The following GLS2 variants were observed in gnomAD, a reference collection of about 807,000 sequenced individuals.
GLS2 encodes the protein glutaminase 2.
In GLS2, 52 loss-of-function variants were observed where a neutral mutation model predicts 79.0. The ratio of observed to expected loss-of-function variants is 0.66; its 90% confidence interval spans 0.53 to 0.83. GLS2 has a LOEUF of 0.83. Ranked by LOEUF, GLS2 falls within the 40% of genes least tolerant of loss-of-function variation. GLS2 has a pLI of 0.00. For missense variants in GLS2, 561 were observed against 764.8 expected (o/e 0.73, Z 3.14); for synonymous variants, 238 against 280.8 (o/e 0.85, Z 1.52).
At position 56,477,930 on chromosome 12, in the gene GLS2, C is replaced by T. The variant is rs1430483484; in HGVS notation, c.778+3G>A. 6.2e-7 allele frequency: 1 copy of T among 1,611,422 alleles called. No homozygotes were observed. The highest frequency in any genetic ancestry group is 1.3e-5 in the African/African-American group (1 of 74,928). ...GTACGGTCTGAGCCTTGGTAGTGCTCACCTTCCTCATTGAGGGAGAGCTTG... is the reference window on the plus strand; with the variant it reads ...GTACGGTCTGAGCCTTGGTAGTGCTTACCTTCCTCATTGAGGGAGAGCTTG... On this transcript the variant is annotated splice_donor_region_variant and intron_variant, in intron 6 of 17. Transcript: ENST00000311966.
At position 56,473,451 on chromosome 12, in the gene GLS2, A is replaced by C; in HGVS notation, c.1356+12T>G. On this transcript the variant is annotated intron_variant, in intron 13 of 17. Transcript: ENST00000311966. ...TTCAAAAATAGTAAGTACTATATGC[A>C]AAGCATCTCACCTGGCAGAAGCTGG... 1 of 1,609,318 alleles carries C rather than the reference A, an allele frequency of 6.2e-7. No homozygotes were observed. Among genetic ancestry groups the C allele is most frequent in the Non-Finnish European group, 8.5e-7 (1 of 1,177,128 alleles).
intron 12 of GLS2, chr12:56,473,806 T>TA (rs1869530147): frequency 5.2e-6 from 3 of 575,346 alleles, no homozygotes; most frequent in East Asian, 3.1e-5. Context: ...TTGAAATACT[T>TA]ACAGCATTCT....
At position 56,474,612 on chromosome 12, in the gene GLS2, C is replaced by T; in HGVS notation, c.1156G>A (p.Val386Met). 1 of 1,614,236 alleles carries T rather than the reference C, an allele frequency of 6.2e-7. No homozygotes were observed. The highest frequency in any genetic ancestry group is 1.3e-5 in the African/African-American group (1 of 75,072). Reference protein sequence around the residue: ...TGESVLSAEAVRNTLSLMHSC... With the variant: ...TGESVLSAEAMRNTLSLMHSC... ...TGCATGAGGCTGAGGGTGTTGCGCACTGCTTCAGCACTCAGCACACTCTCG... is the reference window on the plus strand; with the variant it reads ...TGCATGAGGCTGAGGGTGTTGCGCATTGCTTCAGCACTCAGCACACTCTCG... Residue 386 changes from valine to methionine, a missense_variant, in exon 12 of 18, where the codon GTG becomes ATG. Physicochemically the swap from Val to Met is conservative, Grantham distance 21. Around this residue, in one of 4 missense-constraint regions of GLS2, gnomAD observed 221 missense variants for 275.6 expected, o/e 0.80. Coordinates refer to ENST00000311966, the MANE Select transcript of GLS2 (RefSeq NM_013267.4).
chr12:56,475,623 C>CGTGGCATTGCTGAAACCCAT lies in GLS2; in HGVS notation c.910_929dup (p.Phe311TrpfsTer37). 1 of 1,614,060 alleles carries CGTGGCATTGCTGAAACCCAT rather than the reference C, an allele frequency of 6.2e-7. No homozygotes were observed. The highest frequency in any genetic ancestry group is 8.5e-7 in the Non-Finnish European group (1 of 1,179,958). Reference sequence around the variant, plus strand: ...AGTCAGTCCTCTGAGTAGGGACTTACGTGGCATTGCTGAAACCCATGTATT... The same window carrying CGTGGCATTGCTGAAACCCAT: ...AGTCAGTCCTCTGAGTAGGGACTTACGTGGCATTGCTGAAACCCATGTGGCATTGCTGAAACCCATGTATT... On this transcript the variant is annotated frameshift_variant and splice_region_variant. Coordinates refer to ENST00000311966, the MANE Select transcript of GLS2 (RefSeq NM_013267.4). LOFTEE classifies it high-confidence loss of function.
At position 56,478,337 on chromosome 12, in the gene GLS2, A is replaced by C. The variant is rs1870006906; in HGVS notation, c.535-75T>G. ...CAGAGTTGAGGTTGAGGGTCAAGAG[A>C]ATCTTTTAGATAAAAGCTAAAATTC... On this transcript the variant is annotated intron_variant, in intron 4 of 17. Transcript: ENST00000311966. 3 of 1,481,106 alleles carry C rather than the reference A, an allele frequency of 2.0e-6. No individual in the cohort carries two copies. The African/African-American group carries it at 4.2e-5, about 21-fold the overall frequency. The allele number at this position is 1,481,106 out of a possible 1,614,324, so 91.7% of individuals were successfully genotyped here.
At chr12:56,473,902 G>T (rs937114) in intron 12 of GLS2, 231,198 of 247,716 alleles carry the variant, frequency 0.93, 108,625 homozygotes, top group East Asian at 1. Context: ...GACACGTAAT[G>T]TTTAAAGTAA....
intron 1 of GLS2, 123 bp downstream of exon 1, chr12:56,487,814 A>C (rs1402901065): frequency 4.3e-6 from 5 of 1,158,288 alleles, no homozygotes; most frequent in Non-Finnish European, 4.7e-6. Flanking sequence ...AAAGGCACCG[A>C]GGGCTAGTGA....
rs1186834253 is a variant in GLS2, at chr12:56,474,370, C to T, written c.1224+174G>A. ...TCCCAAAGACATCTCTTTATATATT[C>T]GAGGAACTTGGTGTTTTTGAGAAAC... On this transcript the variant is annotated intron_variant, in intron 12 of 17. Coordinates refer to ENST00000311966, the MANE Select transcript of GLS2 (RefSeq NM_013267.4). The T allele has an allele frequency of 8.1e-6, 6 of 743,974 alleles. No individual in the cohort carries two copies. The East Asian group carries it at 1.1e-4, about 13-fold the overall frequency. 46.1% of individuals were successfully genotyped at this position (743,974 alleles called of 1,614,324 possible). A position where few individuals can be genotyped will look rare whatever the true frequency, so the allele number is the denominator to read the frequency against.
rs117078178 is a variant in GLS2 at position 56,474,804 on chromosome 12, C to T, written c.1047+42G>A. 2.5e-6 allele frequency: 4 copies of T among 1,613,318 alleles called. No individual in the cohort carries two copies. The East Asian group carries it at 6.7e-5, about 27-fold the overall frequency. On this transcript the variant is annotated intron_variant, in intron 11 of 17. Coordinates refer to ENST00000311966, the MANE Select transcript of GLS2 (RefSeq NM_013267.4). ...TGTAGGGAAAGGGCAAGGGCAAGGA[C>T]AGTCTGTCCTGTTCCCTCGGCCCTG...
At chr12:56,479,215 G>A (rs560100533) in intron 3 of GLS2, 34 bp from the exon 4 acceptor site, 2 of 1,608,192 alleles carry the variant, frequency 1.2e-6, no homozygotes, top group East Asian at 4.5e-5. Flanking sequence ...TAGGGGGCTA[G>A]AGAAATGCAG....
intron 7 of GLS2, 37 bp from the exon 8 acceptor site, chr12:56,476,014 T>G: frequency 6.2e-7 from 1 of 1,604,548 alleles, no homozygotes; most frequent in Non-Finnish European, 8.5e-7. Context: ...ATTCTAAGTG[T>G]AGGAGGATGA....
chr12:56,479,795 C>T lies in GLS2; in HGVS notation c.389G>A (p.Arg130Gln), dbSNP rs780275885. Residue 130 changes from arginine to glutamine, a missense_variant, in exon 3 of 18, where the codon CGA (arginine) becomes CAA (glutamine). Transcript: ENST00000311966. ...GGGCCCTCACTTTCGGAAGAGATCT[C>T]GGTCCAAGAGGCCACCACTACTGGA... ...QESSSGGLLD[R>Q]DLFRKCVSSN... The T allele has an allele frequency of 3.8e-5, 61 of 1,601,956 alleles. No individual in the cohort carries two copies. In the Middle Eastern group the frequency reaches 6.8e-4, roughly 18 times the overall value.
At chr12:56,480,503 A>C in intron 1 of GLS2, 116 bp from the exon 2 acceptor site, 1 of 752,346 alleles carries the variant, frequency 1.3e-6, no homozygotes, top group Non-Finnish European at 2.4e-6. Context: ...CCTCCTCCTT[A>C]AGCCATCTGA....
chr12:56,478,123 G>C (rs1869984321), intron 5 of GLS2, 27 bp from the exon 6 acceptor site: 3 of 1,613,964 alleles, frequency 1.9e-6, no homozygotes. Context: ...GCCATGAAAG[G>C]GGTTGGCCTG....
At chr12:56,473,047 G>T in intron 14 of GLS2, 181 bp downstream of exon 14, 2 of 628,248 alleles carry the variant, frequency 3.2e-6, no homozygotes, top group South Asian at 2.0e-5. Context: ...GTGCCACCAC[G>T]TCTGGCTAAT....
intron 11 of GLS2, 25 bp downstream of exon 11, chr12:56,474,821 T>C (rs1334775106): frequency 6.2e-7 from 1 of 1,613,718 alleles, no homozygotes; most frequent in East Asian, 2.2e-5. Context: ...TCCTGTTCCC[T>C]CGGCCCTGAG....
Position 56,478,060 on chromosome 12 carries a change from C to T in GLS2, c.651G>A (p.Leu217=), listed in dbSNP as rs1869978091. The T allele has an allele frequency of 2.5e-6, 4 of 1,614,032 alleles. No individual in the cohort carries two copies. In the African/African-American group the frequency reaches 5.3e-5, roughly 22 times the overall value. The part of the protein sequence containing the change: ...SVGHTKIPFC[L]QSCVKPLTYA... ...AGGTGAGGGGCTTCACACAGGACTGCAGGCAGAAGGGGATCTTTGTGTGGC... is the reference window on the plus strand; with the variant it reads ...AGGTGAGGGGCTTCACACAGGACTGTAGGCAGAAGGGGATCTTTGTGTGGC... The change falls in exon 6 of 18, where the codon CTG becomes CTA. Residue 217 remains leucine (L), a synonymous_variant. Coordinates refer to ENST00000311966, the MANE Select transcript of GLS2 (RefSeq NM_013267.4).
At chr12:56,473,038 T>C (rs945348590) in intron 14 of GLS2, 190 bp downstream of exon 14, 36 of 612,240 alleles carry the variant, frequency 5.9e-5, no homozygotes, top group African/African-American at 5.7e-4. Flanking sequence ...CACAGGCGCG[T>C]GCCACCACGT....
rs376795903 is a variant in GLS2, at chr12:56,488,107, C to T, written c.12G>A (p.Met4Ile). 36 of 1,547,952 alleles carry T rather than the reference C, an allele frequency of 2.3e-5. No individual in the cohort carries two copies. Among genetic ancestry groups the T allele is most frequent in the Non-Finnish European group, 5.2e-6 (6 of 1,153,816 alleles). The change falls in exon 1 of 18, where the codon ATG becomes ATA. Residue 4 changes from methionine (M) to isoleucine (I), a missense_variant. Transcript: ENST00000311966. The stretch of plus-strand genomic sequence containing the variant: ...GGCTCAGGGCCTTCTGCAGAGCCTT[C>T]ATGGAGCGCATGCCCCAGCAAGCCT... The part of the protein sequence containing the change: MRS[M>I]KALQKALSRA...
Sources: gnomAD v4.1 joint callset for allele counts on GRCh38, gnomAD v4.1.1 for gene constraint, gnomAD v4.1.1 regional missense constraint, MANE v1.5 for transcripts, NCBI Gene and HGNC (gene_info 2026-07-23, HGNC 2026-07-21) for gene names.